The following ACOT4 variants were observed in gnomAD, a reference collection of about 807,000 sequenced individuals.
ACOT4 encodes the protein acyl-CoA thioesterase 4.
In ACOT4, 18 loss-of-function variants were observed where a neutral mutation model predicts 17.1. The ratio of observed to expected loss-of-function variants is 1.05; its 90% CI spans 0.73 to 1.56. The LOEUF is 1.56. Among genes scored for constraint, ACOT4 ranks in the 40% most tolerant of loss-of-function variants. ACOT4 has a pLI of 0.00. For missense variants in ACOT4, 574 were observed against 557.2 expected (o/e 1.03, Z -0.30); for synonymous variants, 234 against 236.6 (o/e 0.99, Z 0.10).
chr14:73,595,037 C>T lies in ACOT4; in HGVS notation c.661-12C>T, dbSNP rs748553199. The T allele has an allele frequency of 2.4e-5, 38 of 1,611,960 alleles. No individual in the cohort carries two copies. In the South Asian group the frequency reaches 4.2e-4, roughly 18 times the overall value. On this transcript the variant is annotated splice_polypyrimidine_tract_variant and intron_variant, in intron 2 of 2. Transcript: ENST00000326303. The stretch of plus-strand genomic sequence containing the variant: ...GTTATTGACTCAACTCTCCTCTCTT[C>T]TTTTCTTCCAGGTAAAAGGCCCAGG...
At position 73,595,669 on chromosome 14, in the gene ACOT4, G is replaced by A; in HGVS notation, c.*15G>A. 2.0e-6 allele frequency: 3 copies of A among 1,510,892 alleles called. No individual in the cohort carries two copies. The highest frequency in any genetic ancestry group is 2.7e-6 in the Non-Finnish European group (3 of 1,130,514). The allele number at this position is 1,510,892 out of a possible 1,614,324, so 93.6% of individuals were successfully genotyped here. ...CTAAATTGTAATGCATTTGTCTGTT[G>A]TTGACATGAGAGATTCAAGATCAGA... On this transcript the variant is annotated 3_prime_UTR_variant, in exon 3 of 3. Coordinates refer to ENST00000326303, the MANE Select transcript of ACOT4 (RefSeq NM_152331.4).
chr14:73,594,271 T>C (rs562785828), intron 2 of ACOT4, among the ~76,000 whole-genome samples: 31 of 152,332 alleles, frequency 2.0e-4, no homozygotes, highest in African/African-American at 6.3e-4. Context: ...CAAACTTACT[T>C]ACTCTGAAGT....
chr14:73,593,811 T>TCAA lies in ACOT4; in HGVS notation c.567_568insCAA (p.Ala189_Tyr190insGln). 1 of 1,073,002 alleles carries TCAA rather than the reference T, an allele frequency of 9.3e-7. No individual in the cohort carries two copies. Among genetic ancestry groups the TCAA allele is most frequent in the Non-Finnish European group, 1.4e-6 (1 of 724,140 alleles). The allele number at this position is 1,073,002 out of a possible 1,614,324, so 66.5% of individuals were successfully genotyped here. ...ATGGCTTTGCCACGTTGGCTCTAGC[T>TCAA]TATTATAACTTTGAAGATCTCCCCA... On this transcript the variant is annotated inframe_insertion, in exon 2 of 3. Coordinates refer to ENST00000326303, the MANE Select transcript of ACOT4 (RefSeq NM_152331.4).
intron 1 of ACOT4, among the ~76,000 whole-genome samples, chr14:73,592,838 G>A (rs1299860269): frequency 6.6e-6 from 1 of 152,172 alleles, no homozygotes; most frequent in African/African-American, 2.4e-5. Context: ...GGGTGACAGA[G>A]CGAGACTCCG....
intron 2 of ACOT4, among the ~76,000 whole-genome samples, chr14:73,594,614 A>G (rs1890214604): frequency 6.6e-6 from 1 of 152,250 alleles, no homozygotes; most frequent in South Asian, 2.1e-4. Context: ...GATGATTCCC[A>G]GATTAAAGCT....
At chr14:73,593,566 C>A in intron 1 of ACOT4, 136 bp from the exon 2 acceptor site, 1 of 712,050 alleles carries the variant, frequency 1.4e-6, no homozygotes, top group Non-Finnish European at 2.3e-6. Flanking sequence ...TGGTCTTGAA[C>A]TCCTGGCCTC....
At chr14:73,593,545 A>C (rs1042430045) in intron 1 of ACOT4, among the ~76,000 whole-genome samples, 157 bp from the exon 2 acceptor site, 1 of 151,574 alleles carries the variant, frequency 6.6e-6, no homozygotes. Context: ...GTCTCACTAC[A>C]TTGTCCAGGC....
rs1239468107 is a variant in ACOT4 at position 73,591,983 on chromosome 14, GC to G, written c.29del (p.Pro10GlnfsTer85). The G allele has an allele frequency of 6.4e-6, 9 of 1,404,582 alleles. No individual in the cohort carries two copies. The highest frequency in any genetic ancestry group is 7.3e-5 in the Admixed American group (2 of 27,220). 87.0% of individuals were successfully genotyped at this position (1,404,582 alleles called of 1,614,324 possible). ...AGATGTCAGCAACGCTGATCCTGGA[GC>G]CCCCAGGCCGCTGCTGCTGGAACGA... is the stretch of plus-strand genomic sequence containing the variant. MSATLILE[P>X]PGRCCWNEPV... On this transcript the variant is annotated frameshift_variant, in exon 1 of 3. Transcript: ENST00000326303. LOFTEE classifies it high-confidence loss of function.
intron 1 of ACOT4, 65 bp downstream of exon 1, chr14:73,592,481 C>G (rs1308361911): frequency 1.4e-6 from 2 of 1,432,730 alleles, no homozygotes; most frequent in Non-Finnish European, 1.8e-6. Context: ...GTTTCCAGTG[C>G]TGATTTAGCA....
intron 2 of ACOT4, among the ~76,000 whole-genome samples, chr14:73,594,783 C>T (rs1890217697): frequency 6.6e-6 from 1 of 152,172 alleles, no homozygotes; most frequent in Non-Finnish European, 1.5e-5. Context: ...TCACTGCAAC[C>T]TCCGCCTCCT....
chr14:73,592,874 A>G (rs1595178630), intron 1 of ACOT4, among the ~76,000 whole-genome samples: 1 of 152,230 alleles, frequency 6.6e-6, no homozygotes, highest in South Asian at 2.1e-4. Context: ...AAAGAAAAAA[A>G]AGGATTTTTT....
Position 73,592,015 on chromosome 14 carries a change from T to C in ACOT4, c.56T>C (p.Val19Ala). The change falls in exon 1 of 3, where the codon GTG becomes GCG. Residue 19 changes from valine (V) to alanine (A), a missense_variant. Physicochemically the swap from Val to Ala is moderately conservative, Grantham distance 64. Transcript: ENST00000326303. ...GGCCGCTGCTGCTGGAACGAGCCGG[T>C]GCGCATTGCCGTGCGCGGCCTGGCC... ...PPGRCCWNEP[V>A]RIAVRGLAPE... is the part of the protein sequence containing the mutation. 9 of 1,435,456 alleles carry C rather than the reference T, an allele frequency of 6.3e-6. No homozygotes were observed. In the South Asian group the frequency reaches 8.8e-5, roughly 14 times the overall value. 88.9% of individuals were successfully genotyped at this position (1,435,456 alleles called of 1,614,324 possible). A position where few individuals can be genotyped will look rare whatever the true frequency, so the allele number is the denominator to read the frequency against.
At chr14:73,592,922 CAGTT>C (rs1422990905) in intron 1 of ACOT4, among the ~76,000 whole-genome samples, 2 of 152,226 alleles carry the variant, frequency 1.3e-5, no homozygotes, top group African/African-American at 4.8e-5. Flanking sequence ...TGCATTCTAT[CAGTT>C]AGTCTCTATA....
rs1890231198 is a variant in ACOT4 at position 73,595,439 on chromosome 14, C to T, written c.1051C>T (p.Gln351Ter). 6.8e-6 allele frequency: 11 copies of T among 1,614,230 alleles called. No individual in the cohort carries two copies. The highest frequency in any genetic ancestry group is 9.3e-6 in the Non-Finnish European group (11 of 1,180,038). ...RLQAHGKEKP[Q>*]IICYPGTGHY... ...ACAGGCCCATGGAAAGGAAAAACCC[C>T]AGATCATCTGTTACCCTGGGACTGG... The change falls in exon 3 of 3, where the codon CAG becomes TAG. Residue 351 changes from glutamine (Q) to a stop codon, truncating the protein, a stop_gained. Transcript: ENST00000326303. LOFTEE classifies it low-confidence loss of function (END_TRUNC).
At chr14:73,592,607 C>T (rs555266955) in intron 1 of ACOT4, among the ~76,000 whole-genome samples, 191 bp downstream of exon 1, 1 of 152,344 alleles carries the variant, frequency 6.6e-6, no homozygotes, top group African/African-American at 2.4e-5. Context: ...AATCCCAGCA[C>T]TTTGGGAGGC....
chr14:73,592,724 A>G (rs1366936591), intron 1 of ACOT4, among the ~76,000 whole-genome samples: 1 of 152,110 alleles, frequency 6.6e-6, no homozygotes, highest in African/African-American at 2.4e-5. Flanking sequence ...CTGGTGGCAC[A>G]CGCCTGTAGT....
intron 1 of ACOT4, among the ~76,000 whole-genome samples, chr14:73,593,343 T>C (rs1169192659): frequency 7.0e-6 from 1 of 142,238 alleles, no homozygotes; most frequent in Non-Finnish European, 1.5e-5. Context: ...TTTCTTTTTT[T>C]TTTTTTTTTT....
In ACOT4 at chr14:73,595,236, A is replaced by G; in HGVS notation, c.848A>G (p.Lys283Arg). Residue 283 changes from lysine to arginine, a missense_variant, in exon 3 of 3, where the codon AAG (lysine) becomes AGG (arginine). By Grantham distance (26) the Lys-to-Arg change is conservative. Coordinates refer to ENST00000326303, the MANE Select transcript of ACOT4 (RefSeq NM_152331.4). ...PPLGYDLRRI[K>R]VAFSGLVDIV... ...TTGGGCTATGACCTGAGGAGAATCA[A>G]GGTAGCTTTCTCAGGCCTCGTGGAC... The G allele has an allele frequency of 6.2e-7, 1 of 1,614,202 alleles. No homozygotes were observed. Among genetic ancestry groups the G allele is most frequent in the South Asian group, 1.1e-5 (1 of 91,080 alleles).
In ACOT4 at chr14:73,592,018, G is replaced by T; in HGVS notation, c.59G>T (p.Arg20Leu). 6.9e-7 allele frequency: 1 copy of T among 1,438,942 alleles called. No individual in the cohort carries two copies. Among genetic ancestry groups the T allele is most frequent in the Non-Finnish European group, 9.1e-7 (1 of 1,098,552 alleles). 89.1% of individuals were successfully genotyped at this position (1,438,942 alleles called of 1,614,324 possible). A position where few individuals can be genotyped will look rare whatever the true frequency, so the allele number is the denominator to read the frequency against. Residue 20 changes from arginine (R) to leucine (L), a missense_variant, in exon 1 of 3, where the codon CGC becomes CTC. Physicochemically the swap from Arg to Leu is moderately radical, Grantham distance 102. Coordinates refer to ENST00000326303, the MANE Select transcript of ACOT4 (RefSeq NM_152331.4). ...CGCTGCTGCTGGAACGAGCCGGTGCGCATTGCCGTGCGCGGCCTGGCCCCG... is the reference window on the plus strand; with the variant it reads ...CGCTGCTGCTGGAACGAGCCGGTGCTCATTGCCGTGCGCGGCCTGGCCCCG... ...PGRCCWNEPV[R>L]IAVRGLAPEQ... is the part of the protein sequence containing the mutation.
Sources: allele counts gnomAD v4.1 joint callset (sites outside exome capture counted in the v4.1 genomes callset), GRCh38; gene constraint gnomAD v4.1.1; transcripts MANE v1.5; gene names NCBI Gene and HGNC (gene_info 2026-07-23, HGNC 2026-07-21).